ECHDC1: variants seen among roughly 807,000 people sequenced by gnomAD.
The protein encoded by ECHDC1 is ethylmalonyl-CoA decarboxylase 1, also known as ethylmalonyl-CoA decarboxylase.
A neutral mutation model predicts 29.7 loss-of-function variants in ECHDC1; 29 were observed. The observed-to-expected ratio is 0.98, with a 90% confidence interval of 0.73 to 1.33. The LOEUF is 1.33. Ranked by LOEUF, ECHDC1 falls within the 40% of genes most tolerant of loss-of-function variation. The pLI, the probability that ECHDC1 is intolerant of heterozygous loss-of-function variation, is 0.00. For synonymous variants in ECHDC1, 126 were observed against 123.1 expected (o/e 1.02, Z -0.15); for missense variants, 328 against 350.0 (o/e 0.94, Z 0.50).
intron 5 of ECHDC1, among the ~76,000 whole-genome samples, chr6:127,294,260 T>G (rs1439667507): frequency 6.6e-6 from 1 of 152,154 alleles, no homozygotes; most frequent in African/African-American, 2.4e-5. Flanking sequence ...TTACACTGAT[T>G]GCATAAAGGG....
chr6:127,323,173 T>A (rs1365573973), intron 3 of ECHDC1, among the ~76,000 whole-genome samples: 6 of 152,086 alleles, frequency 3.9e-5, no homozygotes, highest in Non-Finnish European at 8.8e-5. Context: ...CCAGGATATC[T>A]CATTATATAT....
chr6:127,298,337 A>G (rs979449135), intron 5 of ECHDC1, among the ~76,000 whole-genome samples: 1 of 151,510 alleles, frequency 6.6e-6, no homozygotes, highest in Non-Finnish European at 1.5e-5. Context: ...TTTTTTTGCC[A>G]AAAGTTGATG....
intron 3 of ECHDC1, 42 bp from the exon 4 acceptor site, chr6:127,316,544 A>G: frequency 6.7e-7 from 1 of 1,488,402 alleles, no homozygotes; most frequent in African/African-American, 1.4e-5. Flanking sequence ...TATAATGCAA[A>G]TATATTACAT....
At chr6:127,298,225 A>G (rs1005533199) in intron 5 of ECHDC1, among the ~76,000 whole-genome samples, 62 of 152,196 alleles carry the variant, frequency 4.1e-4, no homozygotes, top group Non-Finnish European at 2.1e-4. Flanking sequence ...GTTTGTAATT[A>G]TTTCAAAATT....
At chr6:127,297,479 C>T (rs1335044626) in intron 5 of ECHDC1, among the ~76,000 whole-genome samples, 1 of 152,114 alleles carries the variant, frequency 6.6e-6, no homozygotes, top group Non-Finnish European at 1.5e-5. Context: ...GGAGAAATAG[C>T]CTGAAAAATC....
At chr6:127,296,104 C>T (rs1315536360) in intron 5 of ECHDC1, among the ~76,000 whole-genome samples, 1 of 152,162 alleles carries the variant, frequency 6.6e-6, no homozygotes, top group Admixed American at 6.5e-5. Context: ...TTTCTATAAC[C>T]TTGATATATG....
At chr6:127,306,337 C>T (rs1395904454) in intron 5 of ECHDC1, among the ~76,000 whole-genome samples, 1 of 152,058 alleles carries the variant, frequency 6.6e-6, no homozygotes, top group Non-Finnish European at 1.5e-5. Context: ...AGATAGGCCC[C>T]AATACAATAA....
intron 1 of ECHDC1, among the ~76,000 whole-genome samples, chr6:127,332,569 G>A (rs1784056782): frequency 6.6e-6 from 1 of 152,124 alleles, no homozygotes. Context: ...TTCTGTGGGG[G>A]AGGGTGGTGG....
intron 5 of ECHDC1, among the ~76,000 whole-genome samples, chr6:127,294,060 A>C (rs573016892): frequency 6.6e-6 from 1 of 152,332 alleles, no homozygotes; most frequent in African/African-American, 2.4e-5. Flanking sequence ...TTTTTTAAAA[A>C]ACAGGTAAGA....
rs1431625558 is a variant in ECHDC1 at position 127,330,983 on chromosome 6, T to G, written c.46A>C (p.Lys16Gln). The stretch of plus-strand genomic sequence containing the variant: ...GACAATCCTGTTTGATGTAGCAATT[T>G]TGTCCTTCCAGACAGAGAGGCTGTC... ...LKTASLSGRT[K>Q]LLHQTGLSLY... The change falls in exon 2 of 6, where the codon AAA (lysine) becomes CAA (glutamine). Residue 16 changes from lysine (K) to glutamine (Q), a missense_variant. Transcript: ENST00000454859. 6.2e-7 allele frequency: 1 copy of G among 1,613,964 alleles called. No individual in the cohort carries two copies. Among genetic ancestry groups the G allele is most frequent in the Non-Finnish European group, 8.5e-7 (1 of 1,180,034 alleles).
intron 3 of ECHDC1, among the ~76,000 whole-genome samples, chr6:127,323,292 G>A (rs1309337991): frequency 6.6e-6 from 1 of 151,984 alleles, no homozygotes. Flanking sequence ...TGACTTGCAG[G>A]TGACATAGCT....
At chr6:127,320,717 T>C (rs944354747) in intron 3 of ECHDC1, among the ~76,000 whole-genome samples, 1 of 152,190 alleles carries the variant, frequency 6.6e-6, no homozygotes, top group Admixed American at 6.5e-5. Context: ...TATTCCTTTG[T>C]CTTTCCAATA....
intron 5 of ECHDC1, among the ~76,000 whole-genome samples, chr6:127,296,754 G>A (rs1582930689): frequency 6.6e-6 from 1 of 152,200 alleles, no homozygotes; most frequent in African/African-American, 2.4e-5. Context: ...GCTCATGCCT[G>A]CAATCCCAGC....
chr6:127,292,744 T>C (rs2114548379), intron 5 of ECHDC1, among the ~76,000 whole-genome samples: 1 of 152,192 alleles, frequency 6.6e-6, no homozygotes, highest in East Asian at 1.9e-4. Context: ...TGATAGACCC[T>C]ACAGGATTAT....
chr6:127,329,860 G>A (rs769698136), intron 2 of ECHDC1: 1 of 455,394 alleles, frequency 2.2e-6, no homozygotes, highest in Non-Finnish European at 4.4e-6. Context: ...GTCAGCACTG[G>A]TATAGAGAAA....
intron 5 of ECHDC1, among the ~76,000 whole-genome samples, chr6:127,308,261 A>G (rs952794568): frequency 6.6e-6 from 1 of 152,192 alleles, no homozygotes; most frequent in Non-Finnish European, 1.5e-5. Context: ...AAATACTAGC[A>G]AACTGAATTC....
chr6:127,320,517 A>C (rs1229444142), intron 3 of ECHDC1, among the ~76,000 whole-genome samples: 1 of 152,204 alleles, frequency 6.6e-6, no homozygotes, highest in East Asian at 1.9e-4. Flanking sequence ...AGGTTTCTAA[A>C]TGCCAGACTT....
chr6:127,315,345 A>G, intron 4 of ECHDC1: 1 of 337,022 alleles, frequency 3.0e-6, no homozygotes. Flanking sequence ...GAAATGTGTT[A>G]CAGAAGATAG....
rs1376411538 is a variant in ECHDC1 at position 127,289,034 on chromosome 6, T to C, written c.*835A>G. ...GATCATAAACATTTTATGTTGTGCATTTTTATTACATTTACTTTTGAAAGA... is the reference window on the plus strand; with the variant it reads ...GATCATAAACATTTTATGTTGTGCACTTTTATTACATTTACTTTTGAAAGA... On this transcript the variant is annotated 3_prime_UTR_variant, in exon 6 of 6. Coordinates refer to ENST00000454859, the MANE Select transcript of ECHDC1 (RefSeq NM_001002030.2). The C allele has an allele frequency of 1.3e-5, 2 of 152,102 alleles. No individual in the cohort carries two copies. Among genetic ancestry groups the C allele is most frequent in the Non-Finnish European group, 2.9e-5 (2 of 67,998 alleles). 9.4% of individuals were successfully genotyped at this position (152,102 alleles called of 1,614,324 possible).
Sources: gnomAD v4.1 joint callset for allele counts (sites outside exome capture counted in the v4.1 genomes callset) on GRCh38, gnomAD v4.1.1 for gene constraint, MANE v1.5 for transcripts, NCBI Gene and HGNC (gene_info 2026-07-23, HGNC 2026-07-21) for gene names.